The following MSI2 variants were observed in gnomAD, a reference collection of about 807,000 sequenced individuals.
MSI2 encodes the protein musashi RNA binding protein 2.
MSI2 carries 17 observed loss-of-function variants against 45.6 expected under a neutral mutation model. The observed-to-expected ratio is 0.37, with a 90% CI of 0.26 to 0.56. The LOEUF is 0.56. Among genes scored for constraint, MSI2 ranks in the 20% least tolerant of loss-of-function variants. MSI2 has a pLI of 0.77. For synonymous variants in MSI2, 156 were observed against 158.2 expected, an observed-to-expected ratio of 0.99 and a Z score of 0.11; for missense variants, 293 against 444.2, an observed-to-expected ratio of 0.66 and a Z score of 3.06.
intron 5 of MSI2, among the ~76,000 whole-genome samples, chr17:57,305,597 C>T (rs958939049): frequency 3.3e-5 from 5 of 152,116 alleles, no homozygotes; most frequent in African/African-American, 4.8e-5. Flanking sequence ...CGTTTGATAT[C>T]GGGCAGTTCA....
intron 7 of MSI2, among the ~76,000 whole-genome samples, chr17:57,581,859 A>G (rs899542336): frequency 3.9e-5 from 6 of 152,224 alleles, no homozygotes; most frequent in Admixed American, 1.3e-4. Flanking sequence ...GCAATTATAT[A>G]CTTAGTGGTT....
intron 9 of MSI2, among the ~76,000 whole-genome samples, chr17:57,621,719 G>A (rs1908306173): frequency 6.6e-6 from 1 of 152,186 alleles, no homozygotes; most frequent in African/African-American, 2.4e-5. Flanking sequence ...TGTTGATATG[G>A]CTGCAGACAT....
rs1231614966 is a variant in MSI2, at chr17:57,681,372, T to A, written c.*1855T>A. The A allele has an allele frequency of 5.6e-6, 1 of 179,628 alleles. No homozygotes were observed. Among genetic ancestry groups the A allele is most frequent in the Non-Finnish European group, 1.2e-5 (1 of 83,900 alleles). The allele number at this position is 179,628 out of a possible 1,614,324, so 11.1% of individuals were successfully genotyped here. On this transcript the variant is annotated 3_prime_UTR_variant, in exon 14 of 14. Transcript: ENST00000284073. ...TTTTTAAAATGTGATATTGACGTTT[T>A]ATTAATATTTTTTAAATTGTTACGT...
chr17:57,283,820 C>T (rs970123505), intron 5 of MSI2, among the ~76,000 whole-genome samples: 3 of 152,158 alleles, frequency 2.0e-5, no homozygotes, highest in Admixed American at 1.3e-4. Flanking sequence ...TGGGGCCTGC[C>T]GGGTCCAGGG....
intron 8 of MSI2, among the ~76,000 whole-genome samples, chr17:57,599,584 G>C (rs542174603): frequency 1.3e-5 from 2 of 152,218 alleles, no homozygotes; most frequent in African/African-American, 2.4e-5. Flanking sequence ...TTAGTGTAAG[G>C]GTTTGTGTTT....
chr17:57,389,545 A>C (rs188773573), intron 5 of MSI2, among the ~76,000 whole-genome samples: 2 of 152,232 alleles, frequency 1.3e-5, no homozygotes, highest in African/African-American at 4.8e-5. Context: ...TAGAACTAAC[A>C]CAGGCTCTTA....
intron 8 of MSI2, among the ~76,000 whole-genome samples, chr17:57,609,177 T>C (rs1906980225): frequency 6.6e-6 from 1 of 152,094 alleles, no homozygotes; most frequent in African/African-American, 2.4e-5. Context: ...AGAGAAACAA[T>C]GTTGGCCTCA....
intron 5 of MSI2, among the ~76,000 whole-genome samples, chr17:57,349,851 G>A (rs190368257): frequency 6.6e-6 from 1 of 152,284 alleles, no homozygotes; most frequent in Non-Finnish European, 1.5e-5. Context: ...GCCAATTTCA[G>A]GAAGATATAT....
At chr17:57,617,241 T>C (rs1907804430) in intron 9 of MSI2, among the ~76,000 whole-genome samples, 1 of 152,240 alleles carries the variant, frequency 6.6e-6, no homozygotes, top group African/African-American at 2.4e-5. Flanking sequence ...CATATGAATT[T>C]TTTAGGCTTA....
At chr17:57,614,494 A>G (rs1172976804) in intron 8 of MSI2, among the ~76,000 whole-genome samples, 1 of 152,228 alleles carries the variant, frequency 6.6e-6, no homozygotes, top group African/African-American at 2.4e-5. Context: ...TTTTGTTCCT[A>G]TACCATATGG....
Position 57,569,473 on chromosome 17 carries a change from A to G in MSI2, c.455-27395A>G, listed in dbSNP as rs568641423. ...GAGAATCTTCTGAAATGAGCCCTCC[A>G]TTTGCAGGAGTTCACCTCAGAGTTT... is the stretch of plus-strand genomic sequence containing the variant. On this transcript the variant is annotated intron_variant, in intron 7 of 13. Transcript: ENST00000284073. 6.6e-5 allele frequency among the ~76,000 whole-genome samples: 10 copies of G among 152,294 alleles called. 1 individual carries two copies. The South Asian group carries it at 1.0e-3, about 16-fold the overall frequency.
intron 6 of MSI2, among the ~76,000 whole-genome samples, chr17:57,526,042 T>G (rs912727651): frequency 2.6e-5 from 4 of 152,198 alleles, no homozygotes; most frequent in African/African-American, 9.6e-5. Flanking sequence ...CTGACCAATG[T>G]GGTGAAACCC....
chr17:57,652,083 TC>T lies in MSI2; in HGVS notation c.728-15del, dbSNP rs1911194312. 1 of 1,613,386 alleles carries T rather than the reference TC, an allele frequency of 6.2e-7. No individual in the cohort carries two copies. Among genetic ancestry groups the T allele is most frequent in the African/African-American group, 1.3e-5 (1 of 74,854 alleles). ...AGGATTCCTCCATGACTCAGGCTCC[TC>T]TCTCTCCTGACCAGGCTTCCCAGCA... is the stretch of plus-strand genomic sequence containing the variant. On this transcript the variant is annotated splice_polypyrimidine_tract_variant and intron_variant, in intron 10 of 13. Transcript: ENST00000284073. The surrounding 1 kb of genome is among the most constrained non-coding windows in gnomAD (Gnocchi z 4.1).
intron 6 of MSI2, among the ~76,000 whole-genome samples, chr17:57,435,729 A>T (rs1240833323): frequency 1.3e-5 from 2 of 152,232 alleles, no homozygotes; most frequent in Non-Finnish European, 2.9e-5. Flanking sequence ...GTCTCACGTA[A>T]GTCTCCTTTG....
chr17:57,637,434 A>G (rs1909924421), intron 10 of MSI2, among the ~76,000 whole-genome samples: 2 of 152,230 alleles, frequency 1.3e-5, no homozygotes, highest in African/African-American at 2.4e-5. Context: ...GTTTGCAGAA[A>G]TGAATTGGAG....
chr17:57,542,094 G>T (rs2087061519), intron 7 of MSI2, among the ~76,000 whole-genome samples: 1 of 152,184 alleles, frequency 6.6e-6, no homozygotes. Context: ...AATAGACACA[G>T]GAGCAACAGT....
At chr17:57,595,739 G>T (rs945350148) in intron 7 of MSI2, among the ~76,000 whole-genome samples, 1 of 152,060 alleles carries the variant, frequency 6.6e-6, no homozygotes, top group African/African-American at 2.4e-5. Context: ...GGGTCGGGGG[G>T]CAGCAAGGGG....
intron 6 of MSI2, among the ~76,000 whole-genome samples, chr17:57,526,803 G>A (rs1017624342): frequency 3.3e-5 from 5 of 152,092 alleles, no homozygotes; most frequent in African/African-American, 9.6e-5. Flanking sequence ...ATTTTGTAAC[G>A]TGTTAATAGA....
chr17:57,363,608 G>A (rs796145612), intron 5 of MSI2, among the ~76,000 whole-genome samples: 13 of 152,226 alleles, frequency 8.5e-5, no homozygotes, highest in East Asian at 1.9e-4. Flanking sequence ...GTGTGGTGGC[G>A]CACGCCTGTA....
Sources: gnomAD v4.1 joint callset for allele counts (sites outside exome capture counted in the v4.1 genomes callset) on GRCh38, gnomAD v4.1.1 for gene constraint, Gnocchi (gnomAD v3.1) non-coding constraint, MANE v1.5 for transcripts, NCBI Gene and HGNC (gene_info 2026-07-23, HGNC 2026-07-21) for gene names.